Variants in SLC9A9 observed in about 807,000 individuals in gnomAD.
The protein encoded by SLC9A9 is solute carrier family 9 member A9.
SLC9A9 carries 62 observed loss-of-function variants against 77.8 expected under a neutral mutation model. The observed-to-expected ratio is 0.80, with a 90% CI of 0.65 to 0.98. The LOEUF is 0.98. Ranked by LOEUF, SLC9A9 falls within the 50% of genes least tolerant of loss-of-function variation. The pLI is 0.00. For missense variants in SLC9A9, 775 were observed against 774.9 expected, an observed-to-expected ratio of 1.00 and a Z score of 0.00; for synonymous variants, 320 against 283.5, an observed-to-expected ratio of 1.13 and a Z score of -1.29.
At chr3:143,761,695 G>T (rs1050520524) in intron 4 of SLC9A9, among the ~76,000 whole-genome samples, 5 of 152,108 alleles carry the variant, frequency 3.3e-5, no homozygotes, top group African/African-American at 4.8e-5. Context: ...GAAACAACAG[G>T]TGCTAGAGAG....
At chr3:143,318,034 C>T (rs1317380344) in intron 14 of SLC9A9, among the ~76,000 whole-genome samples, 2 of 152,168 alleles carry the variant, frequency 1.3e-5, no homozygotes, top group Non-Finnish European at 2.9e-5. Flanking sequence ...GCCTCATTTT[C>T]TTCCTTCTCT....
intron 6 of SLC9A9, among the ~76,000 whole-genome samples, chr3:143,594,203 T>C (rs1311111408): frequency 1.3e-5 from 2 of 152,234 alleles, no homozygotes; most frequent in African/African-American, 4.8e-5. Flanking sequence ...AATTTGTTAG[T>C]AAACTGAGTG....
At chr3:143,606,400 ATCTCTC>A (rs746582477) in intron 6 of SLC9A9, among the ~76,000 whole-genome samples, 5,078 of 76,232 alleles carry the variant, frequency 0.067, 228 homozygotes, top group South Asian at 0.086. Context: ...GAAAGAGTGA[ATCTCTC>A]TCTCTCTCTC....
At chr3:143,505,100 A>G (rs1279502831) in intron 9 of SLC9A9, among the ~76,000 whole-genome samples, 1 of 152,044 alleles carries the variant, frequency 6.6e-6, no homozygotes, top group African/African-American at 2.4e-5. Flanking sequence ...TTAAAAGGTA[A>G]ATTTCTTTGT....
intron 5 of SLC9A9, among the ~76,000 whole-genome samples, chr3:143,654,015 G>C (rs1478502358): frequency 2.6e-5 from 4 of 152,074 alleles, no homozygotes; most frequent in African/African-American, 9.7e-5. Flanking sequence ...AAAATTGGTG[G>C]GTGTTGGTGC....
intron 6 of SLC9A9, among the ~76,000 whole-genome samples, chr3:143,645,743 A>T (rs2038695507): frequency 6.6e-6 from 1 of 152,206 alleles, no homozygotes; most frequent in South Asian, 2.1e-4. Flanking sequence ...TAACAGTCTC[A>T]TTTAAAAAGA....
At chr3:143,351,311 A>T (rs2032447266) in intron 14 of SLC9A9, among the ~76,000 whole-genome samples, 1 of 152,176 alleles carries the variant, frequency 6.6e-6, no homozygotes, top group African/African-American at 2.4e-5. Context: ...CAGTTTGAAA[A>T]ACCCTGATTT....
chr3:143,799,098 C>A (rs540149973), intron 2 of SLC9A9, among the ~76,000 whole-genome samples: 1 of 152,244 alleles, frequency 6.6e-6, no homozygotes, highest in African/African-American at 2.4e-5. Context: ...GTGGCTGGAG[C>A]TAAAGGCATA....
intron 4 of SLC9A9, among the ~76,000 whole-genome samples, chr3:143,726,398 A>AT (rs1934657951): frequency 6.6e-6 from 1 of 152,176 alleles, no homozygotes; most frequent in African/African-American, 2.4e-5. Context: ...ATGAGATATA[A>AT]GTTTGTTGGA....
intron 5 of SLC9A9, among the ~76,000 whole-genome samples, chr3:143,682,761 C>T (rs555925495): frequency 1.2e-3 from 188 of 152,188 alleles, no homozygotes; most frequent in African/African-American, 4.1e-3. Flanking sequence ...GGCTCTTAGC[C>T]CCCTTCCTCC....
intron 14 of SLC9A9, among the ~76,000 whole-genome samples, chr3:143,272,309 C>A (rs1937919886): frequency 1.3e-5 from 2 of 152,168 alleles, no homozygotes; most frequent in South Asian, 4.1e-4. Context: ...TAGAAAATTC[C>A]CTTTTCTCGA....
chr3:143,610,657 A>G (rs971611821), intron 6 of SLC9A9, among the ~76,000 whole-genome samples: 12 of 152,206 alleles, frequency 7.9e-5, no homozygotes, highest in African/African-American at 1.7e-4. Flanking sequence ...CCCTGACTAC[A>G]GGTTGGTGAA....
intron 14 of SLC9A9, among the ~76,000 whole-genome samples, chr3:143,306,190 T>G (rs895904056): frequency 2.0e-5 from 3 of 152,142 alleles, no homozygotes; most frequent in African/African-American, 7.2e-5. Context: ...GGGAACATAA[T>G]GGGGGCACTG....
intron 6 of SLC9A9, among the ~76,000 whole-genome samples, chr3:143,604,804 C>T (rs1370000238): frequency 6.6e-6 from 1 of 152,126 alleles, no homozygotes; most frequent in African/African-American, 2.4e-5. Context: ...TTACAGTACT[C>T]CCACTCAGCT....
At chr3:143,804,672 A>C (rs1304847003) in intron 2 of SLC9A9, among the ~76,000 whole-genome samples, 1 of 152,196 alleles carries the variant, frequency 6.6e-6, no homozygotes, top group Non-Finnish European at 1.5e-5. Flanking sequence ...TTCAATTTGC[A>C]AATGGGACCA....
intron 12 of SLC9A9, among the ~76,000 whole-genome samples, chr3:143,416,631 C>A (rs2034195814): frequency 6.6e-6 from 1 of 152,134 alleles, no homozygotes; most frequent in Non-Finnish European, 1.5e-5. Flanking sequence ...TAAAACACAG[C>A]ATTCTGTAAA....
intron 14 of SLC9A9, among the ~76,000 whole-genome samples, chr3:143,311,140 C>T (rs1319717644): frequency 6.6e-6 from 1 of 152,224 alleles, no homozygotes; most frequent in Non-Finnish European, 1.5e-5. Context: ...AAAAGCAAGT[C>T]CATTGTGTAT....
chr3:143,274,500 G>C (rs1245652221), intron 14 of SLC9A9, among the ~76,000 whole-genome samples: 1 of 152,124 alleles, frequency 6.6e-6, no homozygotes, highest in African/African-American at 2.4e-5. Flanking sequence ...AGAAAGGCTG[G>C]ATTTGTAGCA....
At chr3:143,821,344 C>T (rs1235572452) in intron 2 of SLC9A9, among the ~76,000 whole-genome samples, 3 of 152,130 alleles carry the variant, frequency 2.0e-5, no homozygotes, top group African/African-American at 7.2e-5. Context: ...CTCTTTAGTT[C>T]TGAAAGTAAC....
Sources: gnomAD v4.1 joint callset for allele counts (sites outside exome capture counted in the v4.1 genomes callset) on GRCh38, gnomAD v4.1.1 for gene constraint, MANE v1.5 for transcripts, NCBI Gene and HGNC (gene_info 2026-07-23, HGNC 2026-07-21) for gene names.